The following TENM4 variants were observed in gnomAD, a reference collection of about 807,000 sequenced individuals.
The protein encoded by TENM4 is teneurin transmembrane protein 4, also known as teneurin-4.
Under a neutral mutation model 243.3 loss-of-function variants are expected in TENM4, and 82 were observed. The observed-to-expected ratio is 0.34, with a 90% CI of 0.28 to 0.40. The LOEUF is 0.40. TENM4 is among the 10% of genes least tolerant of loss of function. The pLI, the probability that TENM4 is intolerant of heterozygous loss-of-function variation, is 1.00. For synonymous variants in TENM4, 1,412 were observed against 1,456.3 expected (o/e 0.97, Z 0.69); for missense variants, 3,138 against 3,673.3 (o/e 0.85, Z 3.77).
At chr11:78,946,850 T>C (rs1444005042) in intron 6 of TENM4, among the ~76,000 whole-genome samples, 2 of 152,220 alleles carry the variant, frequency 1.3e-5, no homozygotes, top group Non-Finnish European at 2.9e-5. Flanking sequence ...CCTCAAGATG[T>C]AACTGAATTG....
rs141138113 is a variant in TENM4, at chr11:79,204,134, G to A, written c.-163+11674C>T. 1.1e-3 allele frequency among the ~76,000 whole-genome samples: 167 copies of A among 152,210 alleles called. 2 individuals are homozygous for A. The highest frequency in any genetic ancestry group is 0.011 in the East Asian group (55 of 5,180). On this transcript the variant is annotated intron_variant, in intron 3 of 33. Coordinates refer to ENST00000278550, the MANE Select transcript of TENM4 (RefSeq NM_001098816.3). ...GGCATTAGGTTAGGAAGAAATCTGG[G>A]GTGACTGTTAATGGGTATGGGTTCT...
intron 12 of TENM4, among the ~76,000 whole-genome samples, chr11:78,830,007 C>T (rs1449066238): frequency 6.6e-6 from 1 of 152,202 alleles, no homozygotes; most frequent in East Asian, 1.9e-4. Flanking sequence ...CACAGTGAGT[C>T]CGTGTGAGAT....
At chr11:79,063,772 A>G (rs1300359125) in intron 6 of TENM4, among the ~76,000 whole-genome samples, 3 of 152,120 alleles carry the variant, frequency 2.0e-5, no homozygotes, top group Non-Finnish European at 4.4e-5. Context: ...CTCCACCATG[A>G]AAAGGAGGTG....
At chr11:79,430,200 A>G (rs796834052) in intron 1 of TENM4, among the ~76,000 whole-genome samples, 11 of 128,166 alleles carry the variant, frequency 8.6e-5, no homozygotes, top group African/African-American at 3.4e-4. Flanking sequence ...AAAAAAAAAA[A>G]AGAAAAAAGA....
At chr11:79,160,514 G>A (rs2135083363) in intron 3 of TENM4, among the ~76,000 whole-genome samples, 1 of 152,158 alleles carries the variant, frequency 6.6e-6, no homozygotes, top group African/African-American at 2.4e-5. Context: ...GGAGATGGGG[G>A]CATCTCGGAG....
chr11:79,361,302 T>C (rs1232802097), intron 1 of TENM4, among the ~76,000 whole-genome samples: 1 of 152,224 alleles, frequency 6.6e-6, no homozygotes, highest in Non-Finnish European at 1.5e-5. Flanking sequence ...TTCATGATTT[T>C]AGAGTGTTCA....
intron 1 of TENM4, among the ~76,000 whole-genome samples, chr11:79,417,878 C>A (rs1344678461): frequency 6.6e-6 from 1 of 152,140 alleles, no homozygotes; most frequent in Non-Finnish European, 1.5e-5. Flanking sequence ...ATTGCCAAAA[C>A]CCTCAGAGCC....
intron 6 of TENM4, among the ~76,000 whole-genome samples, chr11:79,002,001 T>G (rs1305374239): frequency 6.6e-6 from 1 of 152,132 alleles, no homozygotes; most frequent in Non-Finnish European, 1.5e-5. Flanking sequence ...GCTTTTCTGG[T>G]GCATCCAGGG....
chr11:79,023,056 C>G (rs896499315), intron 6 of TENM4, among the ~76,000 whole-genome samples: 1 of 152,126 alleles, frequency 6.6e-6, no homozygotes, highest in African/African-American at 2.4e-5. Flanking sequence ...ATTATTACTC[C>G]AAATCCTGTG....
chr11:79,171,148 G>T (rs1401501735), intron 3 of TENM4, among the ~76,000 whole-genome samples: 2 of 152,180 alleles, frequency 1.3e-5, no homozygotes, highest in Non-Finnish European at 2.9e-5. Context: ...GAAGATAAAA[G>T]CCCAGAGAGG....
intron 15 of TENM4, among the ~76,000 whole-genome samples, chr11:78,793,681 CTGT>C (rs1395943788): frequency 2.0e-5 from 3 of 152,232 alleles, no homozygotes; most frequent in African/African-American, 7.2e-5. Flanking sequence ...AGAACTGCAA[CTGT>C]TGTTGTTGGA....
chr11:79,245,833 G>A (rs779408980), intron 2 of TENM4, among the ~76,000 whole-genome samples: 110 of 151,356 alleles, frequency 7.3e-4, no homozygotes, highest in African/African-American at 2.6e-3. Context: ...CCAGCTACTC[G>A]GGAGGTTGAG....
intron 1 of TENM4, among the ~76,000 whole-genome samples, chr11:79,336,977 A>G (rs568465881): frequency 6.6e-6 from 1 of 152,324 alleles, no homozygotes; most frequent in Admixed American, 6.5e-5. Context: ...AGAAATCCAC[A>G]TTCAAGGCAC....
At chr11:79,379,646 T>C (rs949375766) in intron 1 of TENM4, among the ~76,000 whole-genome samples, 2 of 152,218 alleles carry the variant, frequency 1.3e-5, no homozygotes, top group Non-Finnish European at 2.9e-5. Context: ...AGTGCTCATG[T>C]TATCTCCAGG....
At chr11:79,226,378 G>C (rs1045055932) in intron 2 of TENM4, among the ~76,000 whole-genome samples, 3 of 152,182 alleles carry the variant, frequency 2.0e-5, no homozygotes, top group Non-Finnish European at 4.4e-5. Context: ...GGGGGAGAGG[G>C]GTACTCTGAG....
At chr11:79,230,532 G>A (rs1044416952) in intron 2 of TENM4, among the ~76,000 whole-genome samples, 1 of 152,186 alleles carries the variant, frequency 6.6e-6, no homozygotes, top group Non-Finnish European at 1.5e-5. Context: ...GCTAGCTTGG[G>A]AACCATGGAC....
intron 1 of TENM4, among the ~76,000 whole-genome samples, chr11:79,388,760 T>C (rs999789702): frequency 6.6e-6 from 1 of 152,162 alleles, no homozygotes; most frequent in Admixed American, 6.5e-5. Flanking sequence ...AAGAGGTAAA[T>C]GAGCAATTCC....
intron 5 of TENM4, among the ~76,000 whole-genome samples, chr11:79,065,477 T>C (rs1426241238): frequency 6.6e-6 from 1 of 152,184 alleles, no homozygotes. Context: ...AATAAATGCT[T>C]GTTAAAATGA....
intron 32 of TENM4, among the ~76,000 whole-genome samples, chr11:78,666,917 G>A (rs993895642): frequency 6.6e-6 from 1 of 152,130 alleles, no homozygotes. Context: ...AGGAAAAGGG[G>A]GAGGGAGTAA....
Sources: gnomAD v4.1 joint callset for allele counts (sites outside exome capture counted in the v4.1 genomes callset) on GRCh38, gnomAD v4.1.1 for gene constraint, MANE v1.5 for transcripts, NCBI Gene and HGNC (gene_info 2026-07-23, HGNC 2026-07-21) for gene names.